The following TEX264 variants were observed in gnomAD, a reference collection of about 807,000 sequenced individuals.
The protein encoded by TEX264 is testis-expressed protein 264.
TEX264 carries 13 observed loss-of-function variants against 23.4 expected under a neutral mutation model. The ratio of observed to expected loss-of-function variants is 0.56; its 90% CI spans 0.36 to 0.88. The LOEUF (loss-of-function observed/expected upper bound fraction) is 0.88. Ranked by LOEUF, TEX264 falls within the 40% of genes least tolerant of loss-of-function variation. The pLI is 0.01. For missense variants in TEX264, 340 were observed against 406.8 expected (o/e 0.84, Z 1.41); for synonymous variants, 159 against 170.0 (o/e 0.94, Z 0.50).
intron 3 of TEX264, among the ~76,000 whole-genome samples, chr3:51,693,150 G>A (rs533416699): frequency 4.6e-5 from 7 of 152,338 alleles, no homozygotes; most frequent in East Asian, 1.9e-4. Context: ...ACAGGACACC[G>A]AGGAAGCCAG....
chr3:51,681,156 G>C (rs562850725), intron 2 of TEX264, among the ~76,000 whole-genome samples: 5 of 152,310 alleles, frequency 3.3e-5, no homozygotes, highest in Admixed American at 1.3e-4. Context: ...GAAAGGAGCT[G>C]CTGTGCCCCA....
intron 3 of TEX264, among the ~76,000 whole-genome samples, chr3:51,685,217 C>G (rs1410498235): frequency 6.6e-6 from 1 of 152,266 alleles, no homozygotes; most frequent in Non-Finnish European, 1.5e-5. Context: ...TGACGGGTTT[C>G]TGTGTCTACA....
At chr3:51,702,655 C>T (rs951076914) in intron 4 of TEX264, among the ~76,000 whole-genome samples, 12 of 152,370 alleles carry the variant, frequency 7.9e-5, no homozygotes, top group Non-Finnish European at 1.3e-4. Flanking sequence ...TGATGTTTGA[C>T]AGCTGACCCT....
At chr3:51,688,465 G>A (rs928444648) in intron 3 of TEX264, among the ~76,000 whole-genome samples, 7 of 152,194 alleles carry the variant, frequency 4.6e-5, no homozygotes, top group Admixed American at 1.3e-4. Flanking sequence ...AGGCCATTGA[G>A]AGTGTTTGAC....
intron 4 of TEX264, among the ~76,000 whole-genome samples, chr3:51,702,533 A>T (rs902498649): frequency 1.2e-4 from 18 of 151,766 alleles, no homozygotes; most frequent in Non-Finnish European, 4.4e-5. Context: ...TTTGAGGCTC[A>T]AGGAAAGCCC....
chr3:51,699,893 TG>T (rs1165438318), intron 4 of TEX264, among the ~76,000 whole-genome samples: 2 of 152,096 alleles, frequency 1.3e-5, no homozygotes, highest in African/African-American at 4.8e-5. Context: ...TCGATGTTCA[TG>T]GGAGGGGGCT....
intron 3 of TEX264, among the ~76,000 whole-genome samples, chr3:51,687,382 C>T (rs1702661272): frequency 6.6e-6 from 1 of 152,204 alleles, no homozygotes; most frequent in African/African-American, 2.4e-5. Context: ...AGGGGTGGCC[C>T]TGTGCCTCTC....
rs927823957 is a variant in TEX264, at chr3:51,703,309, A to G, written c.650-415A>G. On this transcript the variant is annotated intron_variant, in intron 4 of 4. Coordinates refer to ENST00000341333, the MANE Select transcript of TEX264 (RefSeq NM_015926.6). This position sits in a 1 kb window ranked among gnomAD's most constrained non-coding sequence, Gnocchi z 4.8. ...CTGGCCCTGGACACATCTCTTTCCAAGCTTGAAGTGGGGGTGGGGGAAGGT... is the reference window on the plus strand; with the variant it reads ...CTGGCCCTGGACACATCTCTTTCCAGGCTTGAAGTGGGGGTGGGGGAAGGT... 6.6e-6 allele frequency among the ~76,000 whole-genome samples: 1 copy of G among 152,040 alleles called. No individual in the cohort carries two copies. Among genetic ancestry groups the G allele is most frequent in the Non-Finnish European group, 1.5e-5 (1 of 67,990 alleles).
intron 1 of TEX264, chr3:51,671,904 C>G (rs1165122191): frequency 6.6e-6 from 1 of 152,242 alleles, no homozygotes; most frequent in Non-Finnish European, 1.5e-5. Flanking sequence ...CTCGCTGGCA[C>G]CGGCCGCACG....
chr3:51,702,782 G>A (rs1334569693), intron 4 of TEX264, among the ~76,000 whole-genome samples: 1 of 152,210 alleles, frequency 6.6e-6, no homozygotes, highest in Non-Finnish European at 1.5e-5. Flanking sequence ...CAGTGCCTCT[G>A]ATCCAGGGAG....
chr3:51,675,789 C>G (rs772937626), intron 2 of TEX264, among the ~76,000 whole-genome samples: 2 of 152,064 alleles, frequency 1.3e-5, no homozygotes, highest in Non-Finnish European at 2.9e-5. Context: ...ACAGCAAGAG[C>G]CTGAAGACAT....
At chr3:51,702,002 T>C (rs967172235) in intron 4 of TEX264, among the ~76,000 whole-genome samples, 10 of 152,202 alleles carry the variant, frequency 6.6e-5, no homozygotes, top group African/African-American at 2.4e-4. Context: ...CAGGCTGTCC[T>C]GGCCTGAAGG....
Position 51,703,575 on chromosome 3 carries a change from C to A in TEX264, c.650-149C>A. On this transcript the variant is annotated intron_variant, in intron 4 of 4. Coordinates refer to ENST00000341333, the MANE Select transcript of TEX264 (RefSeq NM_015926.6). This position sits in a 1 kb window ranked among gnomAD's most constrained non-coding sequence, Gnocchi z 4.8. Reference sequence around the variant, plus strand: ...TCTGCCCTGTCTGTGCAGCCCCAGTCAGGGTAGAGGGCAGAGGGCAGCTGG... The same window carrying A: ...TCTGCCCTGTCTGTGCAGCCCCAGTAAGGGTAGAGGGCAGAGGGCAGCTGG... The A allele has an allele frequency of 1.7e-6, 1 of 601,212 alleles. No individual in the cohort carries two copies. Among genetic ancestry groups the A allele is most frequent in the Non-Finnish European group, 2.7e-6 (1 of 366,466 alleles). 37.2% of individuals were successfully genotyped at this position (601,212 alleles called of 1,614,324 possible).
intron 3 of TEX264, among the ~76,000 whole-genome samples, chr3:51,693,832 T>C (rs146498385): frequency 2.4e-4 from 37 of 152,294 alleles, no homozygotes; most frequent in Admixed American, 4.6e-4. Context: ...TGGGCTGTGC[T>C]TGAGTTACCT....
intron 2 of TEX264, chr3:51,684,153 C>T: frequency 3.9e-6 from 2 of 511,528 alleles, no homozygotes; most frequent in Non-Finnish European, 7.1e-6. Context: ...TCTAACCCCT[C>T]ACTATGATCC....
chr3:51,696,389 G>T (rs1179616206), intron 3 of TEX264, among the ~76,000 whole-genome samples: 3 of 152,182 alleles, frequency 2.0e-5, no homozygotes, highest in African/African-American at 7.2e-5. Flanking sequence ...GGGAGAGGCA[G>T]CTGGCCTCGC....
intron 3 of TEX264, among the ~76,000 whole-genome samples, chr3:51,692,746 C>T (rs1702873210): frequency 6.6e-6 from 1 of 152,204 alleles, no homozygotes; most frequent in South Asian, 2.1e-4. Flanking sequence ...GGCTGTGGAG[C>T]CTGCGATGGT....
intron 2 of TEX264, chr3:51,682,118 G>A (rs959229009): frequency 6.6e-6 from 1 of 152,208 alleles, no homozygotes; most frequent in African/African-American, 2.4e-5. Flanking sequence ...TTATGTAGAT[G>A]TTTCTTTTGC....
chr3:51,684,380 GC>G, intron 2 of TEX264, 32 bp from the exon 3 acceptor site: 1 of 1,604,652 alleles, frequency 6.2e-7, no homozygotes. Flanking sequence ...CCTTCCTTTG[GC>G]CAACTCTCAC....
Sources: allele counts gnomAD v4.1 joint callset (sites outside exome capture counted in the v4.1 genomes callset), GRCh38; gene constraint gnomAD v4.1.1; non-coding constraint Gnocchi (gnomAD v3.1); transcripts MANE v1.5; gene names NCBI Gene and HGNC (gene_info 2026-07-23, HGNC 2026-07-21).